Variants in LRP1B observed in about 807,000 individuals in gnomAD.
LRP1B encodes the protein LDL receptor related protein 1B.
Under a neutral mutation model 556.6 loss-of-function variants are expected in LRP1B, and 217 were observed. The ratio of observed to expected loss-of-function variants is 0.39; its 90% CI spans 0.35 to 0.44. LRP1B has a LOEUF of 0.44. Among genes scored for constraint, LRP1B ranks in the 20% least tolerant of loss-of-function variants. The pLI, the probability that LRP1B is intolerant of heterozygous loss-of-function variation, is 1.00. For synonymous variants in LRP1B, 2,047 were observed against 1,865.8 expected, an observed-to-expected ratio of 1.10 and a Z score of -2.50; for missense variants, 5,053 against 5,620.8, an observed-to-expected ratio of 0.90 and a Z score of 3.23.
chr2:140,729,961 G>A (rs909886284), intron 35 of LRP1B, among the ~76,000 whole-genome samples: 1 of 152,096 alleles, frequency 6.6e-6, no homozygotes, highest in Non-Finnish European at 1.5e-5. Context: ...TCATTTACTT[G>A]TGCTTGCTCT....
intron 3 of LRP1B, among the ~76,000 whole-genome samples, chr2:141,340,948 T>C (rs922680010): frequency 8.2e-6 from 1 of 121,534 alleles, no homozygotes; most frequent in African/African-American, 3.3e-5. Flanking sequence ...GATAAGTATG[T>C]ATTATTGCTA....
intron 7 of LRP1B, among the ~76,000 whole-genome samples, chr2:141,079,643 A>G (rs1402139777): frequency 6.6e-6 from 1 of 152,154 alleles, no homozygotes. Context: ...TCAAATTTTC[A>G]AAGACAGCAC....
intron 41 of LRP1B, among the ~76,000 whole-genome samples, chr2:140,653,129 T>C (rs1038415313): frequency 4.6e-5 from 7 of 151,988 alleles, no homozygotes; most frequent in Admixed American, 3.9e-4. Context: ...AAACATAGGA[T>C]GCTATATGGA....
At chr2:141,826,014 T>A (rs1046257682) in intron 1 of LRP1B, among the ~76,000 whole-genome samples, 5 of 151,958 alleles carry the variant, frequency 3.3e-5, no homozygotes, top group Admixed American at 6.5e-5. Context: ...TGAATTAGAG[T>A]GTTATGATCA....
At chr2:140,390,650 G>A (rs981795367) in intron 66 of LRP1B, among the ~76,000 whole-genome samples, 2 of 151,852 alleles carry the variant, frequency 1.3e-5, no homozygotes, top group African/African-American at 2.4e-5. Context: ...ATAGATGAGG[G>A]ACATATCATT....
At position 140,671,361 on chromosome 2, in the gene LRP1B, A is replaced by C. The variant is rs1363645475; in HGVS notation, c.6799+28889T>G. On this transcript the variant is annotated intron_variant, in intron 41 of 90. Coordinates refer to ENST00000389484, the MANE Select transcript of LRP1B (RefSeq NM_018557.3). Reference sequence around the variant, plus strand: ...CGGTGAAACCCCGTCTCTACTAAAAATACAAAAAAATTAGCCGGGCATGAT... The same window carrying C: ...CGGTGAAACCCCGTCTCTACTAAAACTACAAAAAAATTAGCCGGGCATGAT... 2.6e-5 allele frequency among the ~76,000 whole-genome samples: 4 copies of C among 152,298 alleles called. No homozygotes were observed. In the East Asian group the frequency reaches 7.8e-4, roughly 30 times the overall value.
chr2:140,676,821 G>A lies in LRP1B; in HGVS notation c.6799+23429C>T, dbSNP rs185856829. ...GATTTTAAGATGTGAAAGTTCACAG[G>A]AAAAAAATAAATCAAATTATGTACA... On this transcript the variant is annotated intron_variant, in intron 41 of 90. Transcript: ENST00000389484. Among the ~76,000 whole-genome samples, 6 of 152,046 alleles carry A rather than the reference G, an allele frequency of 3.9e-5. No individual in the cohort carries two copies. In the East Asian group the frequency reaches 1.2e-3, roughly 29 times the overall value.
chr2:140,431,133 T>G (rs145824940), intron 66 of LRP1B, among the ~76,000 whole-genome samples: 1,832 of 152,186 alleles, frequency 0.012, 29 homozygotes, highest in African/African-American at 0.041. Flanking sequence ...CAGCAAAGCA[T>G]TTTTTCAGGC....
intron 37 of LRP1B, among the ~76,000 whole-genome samples, chr2:140,712,838 C>A (rs1687081441): frequency 6.6e-6 from 1 of 152,038 alleles, no homozygotes; most frequent in Non-Finnish European, 1.5e-5. Context: ...CTCTCCTGAT[C>A]TCTTTATTGC....
intron 2 of LRP1B, among the ~76,000 whole-genome samples, chr2:141,634,217 G>C (rs1169521978): frequency 6.6e-6 from 1 of 151,806 alleles, no homozygotes; most frequent in Non-Finnish European, 1.5e-5. Context: ...AAAACATATT[G>C]TTCTCTTTCC....
chr2:141,690,396 A>AATATATATATATATATAT (rs762453747), intron 2 of LRP1B, among the ~76,000 whole-genome samples: 1 of 26,930 alleles, frequency 3.7e-5, no homozygotes, highest in Non-Finnish European at 7.7e-5. Flanking sequence ...TACATCTATA[A>AATATATATATATATATAT]ATATATATAT....
At chr2:140,889,942 A>ATATGTAGAC (rs1267017647) in intron 23 of LRP1B, among the ~76,000 whole-genome samples, 8 of 152,206 alleles carry the variant, frequency 5.3e-5, no homozygotes, top group African/African-American at 1.9e-4. Flanking sequence ...GTACATTTTC[A>ATATGTAGAC]TATGTAGACA....
chr2:140,526,122 CAG>C, intron 48 of LRP1B, 113 bp downstream of exon 48: 5 of 1,338,852 alleles, frequency 3.7e-6, no homozygotes, highest in South Asian at 1.3e-5. Context: ...TCCCACACAA[CAG>C]GGGTTAATTA....
chr2:140,412,911 TA>T (rs944568774), intron 66 of LRP1B, among the ~76,000 whole-genome samples: 2 of 152,242 alleles, frequency 1.3e-5, no homozygotes, highest in Non-Finnish European at 2.9e-5. Context: ...GTTTATGATA[TA>T]AAACAATGGC....
At chr2:142,014,807 G>T (rs1703069357) in intron 1 of LRP1B, among the ~76,000 whole-genome samples, 1 of 151,976 alleles carries the variant, frequency 6.6e-6, no homozygotes, top group Non-Finnish European at 1.5e-5. Flanking sequence ...TACATGGTGA[G>T]GCAGGAACAA....
At chr2:141,336,848 T>G (rs1204043299) in intron 3 of LRP1B, among the ~76,000 whole-genome samples, 2 of 152,218 alleles carry the variant, frequency 1.3e-5, no homozygotes, top group African/African-American at 2.4e-5. Context: ...CAGCATGCCT[T>G]CAGGAGCACC....
At chr2:141,480,040 T>C (rs559154307) in intron 3 of LRP1B, among the ~76,000 whole-genome samples, 96 of 152,314 alleles carry the variant, frequency 6.3e-4, no homozygotes, top group African/African-American at 2.3e-3. Context: ...AGAAACAAGC[T>C]TATAACACGA....
Position 141,034,799 on chromosome 2 carries a change from C to T in LRP1B, c.1789+14187G>A, listed in dbSNP as rs543714234. Among the ~76,000 whole-genome samples, 53 of 149,214 alleles carry T rather than the reference C, an allele frequency of 3.6e-4. No individual in the cohort carries two copies. In the South Asian group the frequency reaches 0.01, roughly 29 times the overall value. On this transcript the variant is annotated intron_variant, in intron 11 of 90. Transcript: ENST00000389484. ...TCAACCATTGTGGAAGTCAGTGTGG[C>T]GATTCCTCAGGGATCTAGAAGTAGA...
chr2:141,335,950 C>T (rs1441657813), intron 3 of LRP1B, among the ~76,000 whole-genome samples: 1 of 152,050 alleles, frequency 6.6e-6, no homozygotes, highest in Non-Finnish European at 1.5e-5. Context: ...TAATATGAAG[C>T]ATACTAACAC....
Sources: allele counts gnomAD v4.1 joint callset (sites outside exome capture counted in the v4.1 genomes callset), GRCh38; gene constraint gnomAD v4.1.1; transcripts MANE v1.5; gene names NCBI Gene and HGNC (gene_info 2026-07-23, HGNC 2026-07-21).